Variants in DPP10 observed in about 807,000 individuals in gnomAD.
DPP10 encodes the protein inactive dipeptidyl peptidase 10.
Under a neutral mutation model 120.9 loss-of-function variants are expected in DPP10, and 33 were observed. That is an observed-to-expected ratio of 0.27 (90% CI 0.21 to 0.37). The LOEUF is 0.37. DPP10 is among the 10% of genes least tolerant of loss of function. DPP10 has a pLI of 1.00. For missense variants in DPP10, 816 were observed against 942.8 expected (o/e 0.87, Z 1.76); for synonymous variants, 337 against 326.1 (o/e 1.03, Z -0.36).
intron 1 of DPP10, chr2:115,297,161 A>G (rs2060922722): frequency 5.2e-6 from 1 of 191,300 alleles, no homozygotes; most frequent in Admixed American, 5.5e-5. Flanking sequence ...CCTGTATTAT[A>G]TCTACGAAGT....
chr2:115,823,094 T>C (rs962507721), intron 21 of DPP10, among the ~76,000 whole-genome samples: 4 of 152,110 alleles, frequency 2.6e-5, no homozygotes, highest in African/African-American at 7.2e-5. Context: ...TATTGGTTTC[T>C]TTTGCCTGTT....
chr2:114,788,417 A>AT (rs66808432), intron 1 of DPP10, among the ~76,000 whole-genome samples: 4,265 of 145,734 alleles, frequency 0.029, 198 homozygotes, highest in African/African-American at 0.097. Flanking sequence ...GAACATGTAC[A>AT]TTTTTTTTTT....
At position 114,451,879 on chromosome 2, in the gene DPP10, C is replaced by G. The variant is rs1033708375; in HGVS notation, c.60+9041C>G. ...TTCCTGGTCTGTCTTTCAGGATAAT[C>G]CAAATATAAGATGTTAGTATTAGCC... is the stretch of plus-strand genomic sequence containing the variant. On this transcript the variant is annotated intron_variant, in intron 1 of 25. Transcript: ENST00000410059. Among the ~76,000 whole-genome samples, 2 of 152,012 alleles carry G rather than the reference C, an allele frequency of 1.3e-5. 1 individual carries two copies. The highest frequency in any genetic ancestry group is 4.2e-4 in the South Asian group (2 of 4,814).
chr2:115,238,248 C>G (rs1239991865), intron 1 of DPP10, among the ~76,000 whole-genome samples: 1 of 152,148 alleles, frequency 6.6e-6, no homozygotes, highest in African/African-American at 2.4e-5. Context: ...ACAAATGGAA[C>G]AACAAACCCT....
intron 2 of DPP10, among the ~76,000 whole-genome samples, chr2:115,311,600 G>A (rs1247456347): frequency 6.6e-6 from 1 of 152,120 alleles, no homozygotes; most frequent in Non-Finnish European, 1.5e-5. Context: ...TCTAGGTGCT[G>A]TTGTAGTTGG....
intron 5 of DPP10, among the ~76,000 whole-genome samples, chr2:115,598,205 A>T (rs2083103384): frequency 6.6e-6 from 1 of 151,296 alleles, no homozygotes; most frequent in Admixed American, 6.6e-5. Context: ...TTAATATTTG[A>T]ACATAATCTT....
intron 21 of DPP10, among the ~76,000 whole-genome samples, chr2:115,827,447 TG>T (rs1688488299): frequency 7.9e-6 from 1 of 126,842 alleles, no homozygotes. Context: ...TATATATATA[TG>T]CTCTACAGTG....
chr2:115,367,912 C>T (rs1195149892), intron 3 of DPP10, among the ~76,000 whole-genome samples: 4 of 152,038 alleles, frequency 2.6e-5, no homozygotes, highest in Non-Finnish European at 5.9e-5. Flanking sequence ...GGAATCTAAA[C>T]ATTTCTAATT....
intron 7 of DPP10, 99 bp downstream of exon 7, chr2:115,690,020 C>A: frequency 1.6e-6 from 2 of 1,216,394 alleles, no homozygotes; most frequent in Non-Finnish European, 2.3e-6. Context: ...ACTTGTCCTA[C>A]AAAACTTTAT....
At chr2:115,278,647 C>T (rs2060014421) in intron 1 of DPP10, among the ~76,000 whole-genome samples, 1 of 152,032 alleles carries the variant, frequency 6.6e-6, no homozygotes, top group African/African-American at 2.4e-5. Flanking sequence ...AGAGGAAACA[C>T]ATGGGGGCAG....
intron 1 of DPP10, among the ~76,000 whole-genome samples, chr2:115,045,418 C>T (rs1418958255): frequency 1.3e-5 from 2 of 152,078 alleles, no homozygotes; most frequent in African/African-American, 2.4e-5. Context: ...TAAATATCAG[C>T]GTTCTATAAA....
intron 8 of DPP10, among the ~76,000 whole-genome samples, chr2:115,738,769 AG>A (rs1676912913): frequency 6.6e-6 from 1 of 152,164 alleles, no homozygotes; most frequent in South Asian, 2.1e-4. Flanking sequence ...TCTAATTTTG[AG>A]GGTCTCTTCT....
chr2:115,346,199 A>T (rs1483033307), intron 3 of DPP10, among the ~76,000 whole-genome samples: 1 of 152,190 alleles, frequency 6.6e-6, no homozygotes, highest in African/African-American at 2.4e-5. Context: ...TGGAAATTCA[A>T]TGGGAAATAT....
chr2:115,411,581 G>A (rs555189144), intron 3 of DPP10, among the ~76,000 whole-genome samples: 9 of 152,090 alleles, frequency 5.9e-5, no homozygotes, highest in South Asian at 4.1e-4. Flanking sequence ...GTTTCATTAC[G>A]GAGAAGCAAG....
chr2:114,519,700 G>T (rs779680542), intron 1 of DPP10, among the ~76,000 whole-genome samples: 1 of 152,154 alleles, frequency 6.6e-6, no homozygotes, highest in Non-Finnish European at 1.5e-5. Flanking sequence ...AACAGCAAAT[G>T]TTCTTCTCAG....
chr2:114,490,576 C>T (rs566242957), intron 1 of DPP10, among the ~76,000 whole-genome samples: 17 of 151,978 alleles, frequency 1.1e-4, no homozygotes, highest in Admixed American at 2.0e-4. Context: ...TGGAGGCAGC[C>T]GAGAAAGACT....
At chr2:115,303,429 C>T (rs1475767737) in intron 1 of DPP10, among the ~76,000 whole-genome samples, 1 of 151,454 alleles carries the variant, frequency 6.6e-6, no homozygotes, top group Non-Finnish European at 1.5e-5. Flanking sequence ...TGGACATTTC[C>T]AAATACCTAC....
chr2:115,807,347 A>AGGTT (rs1478150051), intron 19 of DPP10, among the ~76,000 whole-genome samples: 4 of 152,076 alleles, frequency 2.6e-5, no homozygotes, highest in Admixed American at 6.6e-5. Flanking sequence ...GTTTATCCTG[A>AGGTT]GGTTAATTTT....
chr2:114,726,056 C>A (rs1702026870), intron 1 of DPP10, among the ~76,000 whole-genome samples: 1 of 151,898 alleles, frequency 6.6e-6, no homozygotes, highest in Admixed American at 6.6e-5. Context: ...CATGGTGAAA[C>A]CCCGTCTCTA....
Sources: allele counts gnomAD v4.1 joint callset (sites outside exome capture counted in the v4.1 genomes callset), GRCh38; gene constraint gnomAD v4.1.1; transcripts MANE v1.5; gene names NCBI Gene and HGNC (gene_info 2026-07-23, HGNC 2026-07-21).